DNASE1L3: variants seen among roughly 807,000 people sequenced by gnomAD.
DNASE1L3 encodes the protein deoxyribonuclease 1L3.
In DNASE1L3, 27 loss-of-function variants were observed where a neutral mutation model predicts 30.9. The ratio of observed to expected loss-of-function variants is 0.87; its 90% confidence interval spans 0.64 to 1.20. The LOEUF (loss-of-function observed/expected upper bound fraction) is 1.20. Among genes scored for constraint, DNASE1L3 ranks in the 50% most tolerant of loss-of-function variants. The pLI is 0.00. For missense variants in DNASE1L3, 364 were observed against 378.2 expected, an observed-to-expected ratio of 0.96 and a Z score of 0.31; for synonymous variants, 135 against 138.0, an observed-to-expected ratio of 0.98 and a Z score of 0.15.
chr3:58,193,279 A>AT (rs1464684374), intron 7 of DNASE1L3, 64 bp downstream of exon 7: 1 of 1,578,396 alleles, frequency 6.3e-7, no homozygotes, highest in Non-Finnish European at 8.7e-7. Flanking sequence ...GAGTCTCATC[A>AT]TGTTGCCCAA....
chr3:58,197,987 C>T lies in DNASE1L3; in HGVS notation c.547-9G>A, dbSNP rs2097398427. ...CCCATGAAAATGAAATTCTAAAAGA[C>T]AAGATTTGGAACTGTCACCTGGTGG... On this transcript the variant is annotated splice_polypyrimidine_tract_variant and intron_variant, in intron 5 of 7. Coordinates refer to ENST00000394549, the MANE Select transcript of DNASE1L3 (RefSeq NM_004944.4). The surrounding 1 kb of genome is among the most constrained non-coding windows in gnomAD (Gnocchi z 5.3). 1 of 1,601,874 alleles carries T rather than the reference C, an allele frequency of 6.2e-7. No homozygotes were observed. Among genetic ancestry groups the T allele is most frequent in the Non-Finnish European group, 8.5e-7 (1 of 1,173,640 alleles).
At chr3:58,203,439 T>C (rs1487496304) in intron 4 of DNASE1L3, among the ~76,000 whole-genome samples, 1 of 152,340 alleles carries the variant, frequency 6.6e-6, no homozygotes, top group East Asian at 1.9e-4. Flanking sequence ...CAACAGAGCC[T>C]GGTACATAGT....
chr3:58,200,999 C>T lies in DNASE1L3; in HGVS notation c.544G>A (p.Glu182Lys), dbSNP rs1427113438. The change falls in exon 5 of 8, where the codon GAG becomes AAG. Residue 182 changes from glutamate (E) to lysine (K), a missense_variant and splice_region_variant. Transcript: ENST00000394549. This position sits in a 1 kb window ranked among gnomAD's most constrained non-coding sequence, Gnocchi z 4.2. ...TCGTCTGACACAGCAGTCCTCACCTCCGCCTTCCAGCGGTGTTTCACGTCC... is the reference window on the plus strand; with the variant it reads ...TCGTCTGACACAGCAGTCCTCACCTTCGCCTTCCAGCGGTGTTTCACGTCC... ...YTDVKHRWKA[E>K]NFIFMGDFNA... 1 of 1,611,600 alleles carries T rather than the reference C, an allele frequency of 6.2e-7. No homozygotes were observed.
At chr3:58,201,148 C>T (rs763996715) in intron 4 of DNASE1L3, 39 bp from the exon 5 acceptor site, 1 of 1,537,690 alleles carries the variant, frequency 6.5e-7, no homozygotes, top group Admixed American at 1.7e-5. Flanking sequence ...CACACTTCCC[C>T]TGTCAAGGTC....
At chr3:58,209,416 G>A (rs1475840878) in intron 1 of DNASE1L3, among the ~76,000 whole-genome samples, 4 of 152,232 alleles carry the variant, frequency 2.6e-5, no homozygotes, top group Admixed American at 6.5e-5. Context: ...GTGAAGTGGG[G>A]AAAATCATTG....
At position 58,196,484 on chromosome 3, in the gene DNASE1L3, C is replaced by T. The variant is rs1212563267; in HGVS notation, c.704+1337G>A. Among the ~76,000 whole-genome samples the T allele has an allele frequency of 8.7e-5, 12 of 138,494 alleles. No homozygotes were observed. The East Asian group carries it at 1.4e-3, about 16-fold the overall frequency. 90.9% of individuals were successfully genotyped at this position (138,494 alleles called of 152,430 possible). A position where few individuals can be genotyped will look rare whatever the true frequency, so the allele number is the denominator to read the frequency against. ...AGGAGAATGGCGTGAACCCGGGAGG[C>T]GGAGCTTGCAGTGAGCCGAGATCGC... On this transcript the variant is annotated intron_variant, in intron 6 of 7. Transcript: ENST00000394549.
At chr3:58,206,041 G>A (rs952620676) in intron 2 of DNASE1L3, among the ~76,000 whole-genome samples, 23 of 152,198 alleles carry the variant, frequency 1.5e-4, no homozygotes, top group African/African-American at 5.1e-4. Flanking sequence ...TTTATGATAA[G>A]CAGGAATATT....
Position 58,210,883 on chromosome 3 carries a change from C to A in DNASE1L3, c.24G>T (p.Leu8=). 1.2e-6 allele frequency: 2 copies of A among 1,613,972 alleles called. No homozygotes were observed. The highest frequency in any genetic ancestry group is 1.7e-6 in the Non-Finnish European group (2 of 1,180,022). MSRELAP[L]LLLLLSIHSA... is the part of the protein sequence containing the mutation. ...TGTGGATGGAGAGGAGGAGAAGCAG[C>A]AGTGGGGCCAGCTCCCGTGACATCC... The change falls in exon 1 of 8, where the codon CTG becomes CTT. Residue 8 remains leucine (L), a synonymous_variant. Transcript: ENST00000394549.
At position 58,197,751 on chromosome 3, in the gene DNASE1L3, C is replaced by G. The variant is rs554444016; in HGVS notation, c.704+70G>C. 3 of 1,606,484 alleles carry G rather than the reference C, an allele frequency of 1.9e-6. No homozygotes were observed. In the African/African-American group the frequency reaches 4.0e-5, roughly 21 times the overall value. ...TACTGGCGTGAGCCACAGTGCCCAG[C>G]CACCTTGCGTCTTTCCTAGTGCACA... On this transcript the variant is annotated intron_variant, in intron 6 of 7. Coordinates refer to ENST00000394549, the MANE Select transcript of DNASE1L3 (RefSeq NM_004944.4). This position sits in a 1 kb window ranked among gnomAD's most constrained non-coding sequence, Gnocchi z 5.3.
chr3:58,204,920 C>A, intron 3 of DNASE1L3, 39 bp from the exon 4 acceptor site: 1 of 1,589,074 alleles, frequency 6.3e-7, no homozygotes, highest in Non-Finnish European at 8.6e-7. Flanking sequence ...GCTGAGTCAG[C>A]CCTTTTCTTA....
Position 58,208,290 on chromosome 3 carries a change from TC to T in DNASE1L3, c.157del (p.Asp53ThrfsTer5). The T allele has an allele frequency of 6.2e-7, 1 of 1,614,244 alleles. No individual in the cohort carries two copies. The highest frequency in any genetic ancestry group is 2.2e-5 in the East Asian group (1 of 44,890). ...CTTGATTTCCATCACGAGTATGATGTCACAGCGTTTGATGACCTGCAAGAAA... is the reference window on the plus strand; with the variant it reads ...CTTGATTTCCATCACGAGTATGATGTACAGCGTTTGATGACCTGCAAGAAA... ...DVIVKVIKRC[D>X]IILVMEIKDS... is the part of the protein sequence containing the mutation. On this transcript the variant is annotated frameshift_variant, in exon 2 of 8. Transcript: ENST00000394549. LOFTEE classifies it high-confidence loss of function.
At chr3:58,202,958 T>G (rs2107375946) in intron 4 of DNASE1L3, among the ~76,000 whole-genome samples, 1 of 152,340 alleles carries the variant, frequency 6.6e-6, no homozygotes, top group Non-Finnish European at 1.5e-5. Context: ...AAGACTTTTG[T>G]GAAGTGTCTG....
chr3:58,205,718 G>C (rs1252588168), intron 2 of DNASE1L3, among the ~76,000 whole-genome samples, 158 bp from the exon 3 acceptor site: 1 of 152,262 alleles, frequency 6.6e-6, no homozygotes, highest in Non-Finnish European at 1.5e-5. Context: ...AGCCACCATT[G>C]ATTGGCTGGA....
chr3:58,196,180 T>C (rs529399144), intron 6 of DNASE1L3, among the ~76,000 whole-genome samples: 1 of 152,188 alleles, frequency 6.6e-6, no homozygotes, highest in Non-Finnish European at 1.5e-5. Flanking sequence ...TAGACCCCTG[T>C]AACTCCCCGC....
Position 58,197,919 on chromosome 3 carries a change from C to T in DNASE1L3, c.606G>A (p.Trp202Ter). Residue 202 changes from tryptophan to a stop codon, truncating the protein, a stop_gained, in exon 6 of 8, where the codon TGG becomes TGA. Coordinates refer to ENST00000394549, the MANE Select transcript of DNASE1L3 (RefSeq NM_004944.4). LOFTEE classifies it high-confidence loss of function. This position sits in a 1 kb window ranked among gnomAD's most constrained non-coding sequence, Gnocchi z 5.3. ...AGCSYVPKKA[W>*]KNIRLRTDPR... is the part of the protein sequence containing the mutation. ...GGTCAGTCCTCAAGCGGATGTTCTT[C>T]CAGGCCTTCTTGGGGACGTAGCTGC... 6.2e-7 allele frequency: 1 copy of T among 1,614,100 alleles called. No individual in the cohort carries two copies. The highest frequency in any genetic ancestry group is 8.5e-7 in the Non-Finnish European group (1 of 1,180,002).
chr3:58,206,373 T>C (rs1399546466), intron 2 of DNASE1L3, among the ~76,000 whole-genome samples: 1 of 152,152 alleles, frequency 6.6e-6, no homozygotes, highest in East Asian at 1.9e-4. Flanking sequence ...CTTACAGAAA[T>C]TCCTGGGACT....
chr3:58,201,792 G>T (rs1424100576), intron 4 of DNASE1L3, among the ~76,000 whole-genome samples: 2 of 152,240 alleles, frequency 1.3e-5, no homozygotes, highest in Non-Finnish European at 2.9e-5. Context: ...CTGAGTAAAG[G>T]ATAAAAATTG....
In DNASE1L3 at chr3:58,197,306, C is replaced by T. The variant is rs765692158; in HGVS notation, c.704+515G>A. ...ATTTAAATCCAGGCCTATCTGATAG[C>T]GAAGCCAGTGCTTACCTCTGCTAAG... is the stretch of plus-strand genomic sequence containing the variant. On this transcript the variant is annotated intron_variant, in intron 6 of 7. Transcript: ENST00000394549. The surrounding 1 kb of genome is among the most constrained non-coding windows in gnomAD (Gnocchi z 5.3). 6.6e-6 allele frequency among the ~76,000 whole-genome samples: 1 copy of T among 152,158 alleles called. No individual in the cohort carries two copies. The highest frequency in any genetic ancestry group is 1.5e-5 in the Non-Finnish European group (1 of 68,030).
Position 58,197,358 on chromosome 3 carries a change from G to T in DNASE1L3, c.704+463C>A, listed in dbSNP as rs894761009. Among the ~76,000 whole-genome samples the T allele has an allele frequency of 6.6e-6, 1 of 152,138 alleles. No individual in the cohort carries two copies. The highest frequency in any genetic ancestry group is 2.1e-4 in the South Asian group (1 of 4,826). On this transcript the variant is annotated intron_variant, in intron 6 of 7. Coordinates refer to ENST00000394549, the MANE Select transcript of DNASE1L3 (RefSeq NM_004944.4). This position sits in a 1 kb window ranked among gnomAD's most constrained non-coding sequence, Gnocchi z 5.3. ...TACAGTGCCCAGGGCCACCGCATAG[G>T]GTCCTGTGGTTCATACGCTACATGT...
Sources: allele counts gnomAD v4.1 joint callset (sites outside exome capture counted in the v4.1 genomes callset), GRCh38; gene constraint gnomAD v4.1.1; non-coding constraint Gnocchi (gnomAD v3.1); transcripts MANE v1.5; gene names NCBI Gene and HGNC (gene_info 2026-07-23, HGNC 2026-07-21).